The following CASKIN1 variants were observed in gnomAD, a reference collection of about 807,000 sequenced individuals.
The protein encoded by CASKIN1 is CASK interacting protein 1, also known as caskin-1.
CASKIN1 carries 42 observed loss-of-function variants against 117.5 expected under a neutral mutation model. That is an observed-to-expected ratio of 0.36 (90% CI 0.28 to 0.46). The LOEUF (loss-of-function observed/expected upper bound fraction) is 0.46, where lower values mean the gene tolerates loss of function less well. CASKIN1 is among the 20% of genes least tolerant of loss of function. The pLI is 1.00. For synonymous variants in CASKIN1, 1,148 were observed against 961.7 expected (o/e 1.19, Z -3.59); for missense variants, 2,083 against 2,077.3 (o/e 1.00, Z -0.05).
At chr16:2,195,114 C>T (rs962013798) in intron 1 of CASKIN1, among the ~76,000 whole-genome samples, 1 of 152,236 alleles carries the variant, frequency 6.6e-6, no homozygotes, top group Non-Finnish European at 1.5e-5. Flanking sequence ...TGCCTCTGCC[C>T]ACAAGCTCTC....
Position 2,178,275 on chromosome 16 carries a change from G to A in CASKIN1, c.*275C>T, listed in dbSNP as rs2093150185. Reference sequence around the variant, plus strand: ...GCTGCCCCATCCCTGGTCCCGGGGCGCCCTCCCCTCCCGCGCGGGCAGGAG... The same window carrying A: ...GCTGCCCCATCCCTGGTCCCGGGGCACCCTCCCCTCCCGCGCGGGCAGGAG... On this transcript the variant is annotated 3_prime_UTR_variant, in exon 20 of 20. Coordinates refer to ENST00000343516, the MANE Select transcript of CASKIN1 (RefSeq NM_020764.4). The A allele has an allele frequency of 2.5e-6, 1 of 397,406 alleles. No individual in the cohort carries two copies. Among genetic ancestry groups the A allele is most frequent in the South Asian group, 2.9e-5 (1 of 34,972 alleles). 24.6% of individuals were successfully genotyped at this position (397,406 alleles called of 1,614,324 possible).
chr16:2,184,514 C>T (rs1242179841), intron 14 of CASKIN1, among the ~76,000 whole-genome samples: 3 of 152,200 alleles, frequency 2.0e-5, no homozygotes, highest in Non-Finnish European at 4.4e-5. Flanking sequence ...GTGCCCAGCT[C>T]GCAGTCCCAC....
At position 2,181,431 on chromosome 16, in the gene CASKIN1, G is replaced by C; in HGVS notation, c.1937C>G (p.Ser646Cys). 1 of 1,612,364 alleles carries C rather than the reference G, an allele frequency of 6.2e-7. No individual in the cohort carries two copies. The highest frequency in any genetic ancestry group is 8.5e-7 in the Non-Finnish European group (1 of 1,179,834). The change falls in exon 18 of 20, where the codon TCC becomes TGC. Residue 646 changes from serine to cysteine, a missense_variant. This residue lies in a region of CASKIN1 where 1,818 missense variants were observed against 1,688.9 expected (regional missense o/e 1.08). Coordinates refer to ENST00000343516, the MANE Select transcript of CASKIN1 (RefSeq NM_020764.4). The part of the protein sequence containing the change: ...PPEPTPADCQ[S>C]PKMTTFQDSE... ...GTCCTGGAAGGTGGTCATTTTAGGG[G>C]ACTGGCAGTCGGCCGGTGTGGGCTC...
chr16:2,196,458 G>C lies in CASKIN1; in HGVS notation c.-26C>G, dbSNP rs1274111372. On this transcript the variant is annotated 5_prime_UTR_variant, in exon 1 of 20. Transcript: ENST00000343516. The surrounding 1 kb of genome is among the most constrained non-coding windows in gnomAD (Gnocchi z 5.7). ...GGCGCGGCCGGGGCCGCAGCGACGC[G>C]GCTGCGCTCGTGAGCTCGGCGCGGC... 1.7e-6 allele frequency: 2 copies of C among 1,170,072 alleles called. No individual in the cohort carries two copies. Among genetic ancestry groups the C allele is most frequent in the South Asian group, 2.2e-5 (1 of 45,698 alleles). 72.5% of individuals were successfully genotyped at this position (1,170,072 alleles called of 1,614,324 possible). A position where few individuals can be genotyped will look rare whatever the true frequency, so the allele number is the denominator to read the frequency against.
At position 2,180,855 on chromosome 16, in the gene CASKIN1, TG is replaced by T; in HGVS notation, c.2512del (p.Gln838SerfsTer46). The T allele has an allele frequency of 7.1e-7, 1 of 1,406,044 alleles. No individual in the cohort carries two copies. The highest frequency in any genetic ancestry group is 9.2e-7 in the Non-Finnish European group (1 of 1,087,574). 87.1% of individuals were successfully genotyped at this position (1,406,044 alleles called of 1,614,324 possible). On this transcript the variant is annotated frameshift_variant, in exon 18 of 20. Coordinates refer to ENST00000343516, the MANE Select transcript of CASKIN1 (RefSeq NM_020764.4). LOFTEE classifies it high-confidence loss of function. ...CGGCCCCACCTCGCCCTCCACGGGCTGGGGCAGCACGTAGGCAAAGCCGCGG... is the reference window on the plus strand; with the variant it reads ...CGGCCCCACCTCGCCCTCCACGGGCTGGGCAGCACGTAGGCAAAGCCGCGG... The part of the protein sequence containing the change: ...THRGFAYVLP[Q>X]PVEGEVGPAA...
chr16:2,185,191 G>A lies in CASKIN1; in HGVS notation c.1159C>T (p.Arg387Ter). Residue 387 changes from arginine to a stop codon, truncating the protein, a stop_gained, in exon 12 of 20, where the codon CGA becomes TGA. Transcript: ENST00000343516. LOFTEE classifies it high-confidence loss of function. ...GCCATGCCGCTAATGCTGCCGCTTC[G>A]GTCCCCACCTGCCAGCACAAGGGAG... is the stretch of plus-strand genomic sequence containing the variant. ...VLRKPFAGGD[R>*]SGSISGMAGG... is the part of the protein sequence containing the mutation. 8 of 1,610,958 alleles carry A rather than the reference G, an allele frequency of 5.0e-6. No individual in the cohort carries two copies. The highest frequency in any genetic ancestry group is 6.8e-6 in the Non-Finnish European group (8 of 1,179,438).
At chr16:2,185,636 T>G (rs2093181923) in intron 10 of CASKIN1, among the ~76,000 whole-genome samples, 1 of 152,232 alleles carries the variant, frequency 6.6e-6, no homozygotes, top group Non-Finnish European at 1.5e-5. Context: ...CCTGGGGTCC[T>G]GTGGGCAGGG....
Position 2,179,726 on chromosome 16 carries a change from G to T in CASKIN1, c.3642C>A (p.Pro1214=). 1 of 1,540,698 alleles carries T rather than the reference G, an allele frequency of 6.5e-7. No individual in the cohort carries two copies. The highest frequency in any genetic ancestry group is 2.0e-5 in the Admixed American group (1 of 49,354). Residue 1214 remains proline, a synonymous_variant, in exon 18 of 20, where the codon CCC becomes CCA. Coordinates refer to ENST00000343516, the MANE Select transcript of CASKIN1 (RefSeq NM_020764.4). This position sits in a 1 kb window ranked among gnomAD's most constrained non-coding sequence, Gnocchi z 5.8. ...TGGCCGGCTTCCGGGCTTCGCCCTCGGGCGGGGGCAATGGGGGTAGGTGCG... is the reference window on the plus strand; with the variant it reads ...TGGCCGGCTTCCGGGCTTCGCCCTCTGGCGGGGGCAATGGGGGTAGGTGCG... ...DLAHLPPLPP[P]EGEARKPAKP...
chr16:2,186,358 G>C (rs1455397653), intron 10 of CASKIN1, among the ~76,000 whole-genome samples: 1 of 152,116 alleles, frequency 6.6e-6, no homozygotes. Flanking sequence ...CTCATCTCAA[G>C]CAGGCCCTCC....
chr16:2,187,227 C>A lies in CASKIN1; in HGVS notation c.774G>T (p.Leu258=). Reference sequence around the variant, plus strand: ...ACGTGGTGAACTGGTGCACGATGTCCAGGGCTGTCTGGCTGTAGGTGTTCC... The same window carrying A: ...ACGTGGTGAACTGGTGCACGATGTCAAGGGCTGTCTGGCTGTAGGTGTTCC... ...HVRNTYSQTA[L]DIVHQFTTSQ... is the part of the protein sequence containing the mutation. Residue 258 remains leucine (L), a synonymous_variant, in exon 8 of 20, where the codon CTG becomes CTT. Coordinates refer to ENST00000343516, the MANE Select transcript of CASKIN1 (RefSeq NM_020764.4). 6.2e-7 allele frequency: 1 copy of A among 1,614,058 alleles called. No individual in the cohort carries two copies. The highest frequency in any genetic ancestry group is 2.2e-5 in the East Asian group (1 of 44,870).
At chr16:2,186,895 G>C (rs1471603563) in intron 9 of CASKIN1, 71 bp from the exon 10 acceptor site, 1 of 1,600,848 alleles carries the variant, frequency 6.2e-7, no homozygotes, top group Non-Finnish European at 8.5e-7. Flanking sequence ...GTGCCCCCCA[G>C]TTGCGGCGGG....
At position 2,179,146 on chromosome 16, in the gene CASKIN1, G is replaced by A. The variant is rs1399633425; in HGVS notation, c.3955C>T (p.Pro1319Ser). 1.1e-4 allele frequency: 115 copies of A among 1,058,672 alleles called. No individual in the cohort carries two copies. The highest frequency in any genetic ancestry group is 1.3e-4 in the Non-Finnish European group (112 of 877,824). The allele number at this position is 1,058,672 out of a possible 1,614,324, so 65.6% of individuals were successfully genotyped here. A position where few individuals can be genotyped will look rare whatever the true frequency, so the allele number is the denominator to read the frequency against. The change falls in exon 19 of 20, where the codon CCC becomes TCC. Residue 1319 changes from proline to serine, a missense_variant. Transcript: ENST00000343516. The surrounding 1 kb of genome is among the most constrained non-coding windows in gnomAD (Gnocchi z 5.8). ...AALAKPPGTP[P>S]SLGASPAKPP... The stretch of plus-strand genomic sequence containing the variant: ...TTGGCGGGGCTGGCGCCCAGCGAGG[G>A]CGGCGTACCGGGCGGCTTGGCGAGG...
At chr16:2,181,695 T>TGGGGCTGGGGC (rs1296994433) in intron 17 of CASKIN1, 96 bp from the exon 18 acceptor site, 63 of 219,830 alleles carry the variant, frequency 2.9e-4, no homozygotes, top group Admixed American at 2.0e-3. Flanking sequence ...GGGCCCAGCT[T>TGGGGCTGGGGC]GGGGCTGGGG....
chr16:2,183,614 G>A, intron 16 of CASKIN1, 32 bp downstream of exon 16: 1 of 1,604,950 alleles, frequency 6.2e-7, no homozygotes, highest in Non-Finnish European at 8.5e-7. Context: ...TGCCCGTCCT[G>A]GGCCCAGCCC....
intron 14 of CASKIN1, 32 bp from the exon 15 acceptor site, chr16:2,183,973 G>A (rs749815420): frequency 3.2e-5 from 46 of 1,456,398 alleles, no homozygotes; most frequent in Admixed American, 4.1e-5. Flanking sequence ...CTGCAGGCTC[G>A]CCTGCCCGGC....
At chr16:2,195,468 G>A (rs1262519426) in intron 1 of CASKIN1, among the ~76,000 whole-genome samples, 2 of 152,240 alleles carry the variant, frequency 1.3e-5, no homozygotes, top group South Asian at 2.1e-4. Context: ...CTATACGTGC[G>A]CAGCCGCACA....
At chr16:2,189,638 ACCTGACC>A in intron 3 of CASKIN1, 74 bp from the exon 4 acceptor site, 3 of 1,481,462 alleles carry the variant, frequency 2.0e-6, no homozygotes, top group Non-Finnish European at 1.8e-6. Context: ...GGGTGCTGGG[ACCTGACC>A]CCTGACCCCA....
At chr16:2,181,640 C>T (rs200839221) in intron 17 of CASKIN1, 41 bp from the exon 18 acceptor site, 12 of 241,320 alleles carry the variant, frequency 5.0e-5, no homozygotes, top group Middle Eastern at 9.4e-4. Context: ...GACCAGGAGG[C>T]GGAGGGGCAG....
In CASKIN1 at chr16:2,196,093, G is replaced by A. The variant is rs987676534; in HGVS notation, c.94+246C>T. 2.0e-5 allele frequency among the ~76,000 whole-genome samples: 3 copies of A among 151,898 alleles called. No individual in the cohort carries two copies. Among genetic ancestry groups the A allele is most frequent in the Non-Finnish European group, 2.9e-5 (2 of 67,902 alleles). ...AGAGGGATGCGAACGCCCGCGGCCC[G>A]GGAGGCGGGTGCCGCCAGGTGCCCG... On this transcript the variant is annotated intron_variant, in intron 1 of 19. Transcript: ENST00000343516. The surrounding 1 kb of genome is among the most constrained non-coding windows in gnomAD (Gnocchi z 5.7).
Sources: gnomAD v4.1 joint callset for allele counts (sites outside exome capture counted in the v4.1 genomes callset) on GRCh38, gnomAD v4.1.1 for gene constraint, gnomAD v4.1.1 regional missense constraint, Gnocchi (gnomAD v3.1) non-coding constraint, MANE v1.5 for transcripts, NCBI Gene and HGNC (gene_info 2026-07-23, HGNC 2026-07-21) for gene names.